PDE10A: variants seen among roughly 807,000 people sequenced by gnomAD.
The protein encoded by PDE10A is phosphodiesterase 10A.
Under a neutral mutation model 97.7 loss-of-function variants are expected in PDE10A, and 39 were observed. That is an observed-to-expected ratio of 0.40 (90% CI 0.31 to 0.52). The LOEUF (loss-of-function observed/expected upper bound fraction) is 0.52. Ranked by LOEUF, PDE10A falls within the 20% of genes least tolerant of loss-of-function variation. PDE10A has a pLI of 0.56. For synonymous variants in PDE10A, 371 were observed against 376.8 expected (o/e 0.98, Z 0.18); for missense variants, 731 against 1,047.8 (o/e 0.70, Z 4.17).
At chr6:165,929,751 G>T (rs1434013030) in intron 1 of PDE10A, among the ~76,000 whole-genome samples, 1 of 152,244 alleles carries the variant, frequency 6.6e-6, no homozygotes, top group Non-Finnish European at 1.5e-5. Flanking sequence ...CCAGCCTGTG[G>T]CATGGGCACT....
chr6:165,372,307 A>G (rs1406810432), intron 18 of PDE10A, among the ~76,000 whole-genome samples: 6 of 150,900 alleles, frequency 4.0e-5, no homozygotes, highest in African/African-American at 9.8e-5. Context: ...TGCAGATGAC[A>G]TGATTGTATA....
chr6:165,441,354 G>C (rs1366311514), intron 5 of PDE10A, among the ~76,000 whole-genome samples: 1 of 152,128 alleles, frequency 6.6e-6, no homozygotes, highest in East Asian at 1.9e-4. Context: ...TCTTTGATGT[G>C]AGAAATAATT....
intron 1 of PDE10A, chr6:165,775,870 C>T (rs1353809245): frequency 1.3e-5 from 2 of 152,168 alleles, no homozygotes; most frequent in African/African-American, 4.8e-5. Context: ...GAGCTCAAAA[C>T]TTATACTTAA....
intron 21 of PDE10A, among the ~76,000 whole-genome samples, chr6:165,333,909 T>C (rs559086863): frequency 1.3e-5 from 2 of 152,338 alleles, no homozygotes; most frequent in Non-Finnish European, 2.9e-5. Flanking sequence ...ACAAAACTCC[T>C]ATGAGACACA....
At chr6:165,376,855 G>A (rs1784633707) in intron 18 of PDE10A, among the ~76,000 whole-genome samples, 1 of 152,118 alleles carries the variant, frequency 6.6e-6, no homozygotes, top group South Asian at 2.1e-4. Context: ...GGAGTTTGAG[G>A]CTGCAGTGAG....
chr6:165,920,813 A>C (rs1228200421), intron 1 of PDE10A, among the ~76,000 whole-genome samples: 1 of 152,174 alleles, frequency 6.6e-6, no homozygotes, highest in Non-Finnish European at 1.5e-5. Flanking sequence ...TCCATGGGTT[A>C]GGGATTTTAT....
chr6:165,914,051 G>A (rs1451319752), intron 1 of PDE10A, among the ~76,000 whole-genome samples: 1 of 152,132 alleles, frequency 6.6e-6, no homozygotes. Flanking sequence ...TCTCCAAATA[G>A]TTTACATTAA....
intron 1 of PDE10A, among the ~76,000 whole-genome samples, chr6:165,563,127 A>G (rs1392738717): frequency 1.3e-5 from 2 of 150,576 alleles, no homozygotes; most frequent in African/African-American, 2.4e-5. Context: ...AGTATGGCAT[A>G]TAAGTTAAAT....
intron 1 of PDE10A, among the ~76,000 whole-genome samples, chr6:165,689,896 G>A (rs1473428421): frequency 6.6e-6 from 1 of 152,174 alleles, no homozygotes; most frequent in Non-Finnish European, 1.5e-5. Context: ...GTCCAGTTCT[G>A]CCACCGGGTG....
chr6:165,339,413 T>C, intron 19 of PDE10A, 55 bp from the exon 20 acceptor site: 6 of 1,030,358 alleles, frequency 5.8e-6, no homozygotes, highest in Non-Finnish European at 7.7e-6. Flanking sequence ...TGCTATACTA[T>C]TTTGATATTA....
In PDE10A at chr6:165,435,332, G is replaced by C; in HGVS notation, c.1240C>G (p.Arg414Gly). Residue 414 changes from arginine to glycine, a missense_variant, in exon 6 of 22, where the codon CGC becomes GGC. Arg to Gly is a moderately radical substitution (Grantham distance 125). Transcript: ENST00000539869. ...TPPGIKEGKP[R>G]LIPAGPITQG... ...GTGATGGGCCCAGCAGGGATGAGGC[G>C]GGGTTTTCCTTCCTTTATCCCAGGT... The C allele has an allele frequency of 2.5e-6, 4 of 1,613,968 alleles. No individual in the cohort carries two copies. Among genetic ancestry groups the C allele is most frequent in the South Asian group, 2.2e-5 (2 of 91,066 alleles).
rs913675238 is a variant in PDE10A at position 165,493,971 on chromosome 6, GA to G, written c.995-11629del. Among the ~76,000 whole-genome samples the G allele has an allele frequency of 1.2e-3, 168 of 138,350 alleles. 2 individuals carry two copies. Among genetic ancestry groups the G allele is most frequent in the African/African-American group, 3.0e-3 (113 of 37,802 alleles). 90.8% of individuals were successfully genotyped at this position (138,350 alleles called of 152,430 possible). ...ATCTACAGGGAACTCAAATAAGCAA[GA>G]AAAAAAAAAACAATCCCATCAGTAA... On this transcript the variant is annotated intron_variant, in intron 2 of 21. Coordinates refer to ENST00000539869, the MANE Select transcript of PDE10A (RefSeq NM_001385079.1).
chr6:165,491,715 C>G (rs574384971), intron 2 of PDE10A, among the ~76,000 whole-genome samples: 2 of 152,052 alleles, frequency 1.3e-5, no homozygotes, highest in East Asian at 1.9e-4. Context: ...AAAAGTGGTA[C>G]TAAGAGAAAA....
chr6:165,651,027 C>G (rs1431548502), intron 1 of PDE10A, among the ~76,000 whole-genome samples: 1 of 152,224 alleles, frequency 6.6e-6, no homozygotes, highest in African/African-American at 2.4e-5. Context: ...TGAGCCACCA[C>G]GCCCAGCCAA....
At chr6:165,542,874 T>A (rs1189646483) in intron 2 of PDE10A, among the ~76,000 whole-genome samples, 2 of 152,072 alleles carry the variant, frequency 1.3e-5, no homozygotes, top group Non-Finnish European at 2.9e-5. Context: ...CGCCTCAGCC[T>A]CCCAAAGTGC....
intron 1 of PDE10A, among the ~76,000 whole-genome samples, chr6:165,611,699 C>T (rs1787502709): frequency 6.6e-6 from 1 of 152,202 alleles, no homozygotes. Flanking sequence ...TAGGAAAATC[C>T]TTCATATACA....
intron 1 of PDE10A, among the ~76,000 whole-genome samples, chr6:165,937,633 T>C (rs1384324337): frequency 1.3e-5 from 2 of 152,234 alleles, no homozygotes; most frequent in Non-Finnish European, 2.9e-5. Flanking sequence ...TGAATAAATA[T>C]TTGTTGAATG....
At chr6:165,606,926 G>A (rs1172379662) in intron 1 of PDE10A, among the ~76,000 whole-genome samples, 1 of 152,016 alleles carries the variant, frequency 6.6e-6, no homozygotes, top group African/African-American at 2.4e-5. Context: ...TATGATAAGT[G>A]AATAGGTTCA....
chr6:165,508,857 A>C (rs1015158862), intron 2 of PDE10A, among the ~76,000 whole-genome samples: 6 of 152,202 alleles, frequency 3.9e-5, no homozygotes, highest in African/African-American at 1.4e-4. Flanking sequence ...ACAGTTGTGA[A>C]GCTATCATAA....
Sources: allele counts gnomAD v4.1 joint callset (sites outside exome capture counted in the v4.1 genomes callset), GRCh38; gene constraint gnomAD v4.1.1; transcripts MANE v1.5; gene names NCBI Gene and HGNC (gene_info 2026-07-23, HGNC 2026-07-21).